The following TPGS2 variants were observed in gnomAD, a reference collection of about 807,000 sequenced individuals.
The protein encoded by TPGS2 is tubulin polyglutamylase complex subunit 2.
A neutral mutation model predicts 31.1 loss-of-function variants in TPGS2; 26 were observed. The ratio of observed to expected loss-of-function variants is 0.84; its 90% CI spans 0.61 to 1.16. The LOEUF is 1.16. Among genes scored for constraint, TPGS2 ranks in the 50% most tolerant of loss-of-function variants. The probability of loss-of-function intolerance (pLI) is 0.00; values close to 1 mark genes in which losing one functional copy is unlikely to be tolerated. For synonymous variants in TPGS2, 130 were observed against 136.6 expected (o/e 0.95, Z 0.34); for missense variants, 351 against 363.8 (o/e 0.96, Z 0.29).
chr18:36,800,889 C>G (rs1180302560), intron 4 of TPGS2, among the ~76,000 whole-genome samples: 2 of 152,110 alleles, frequency 1.3e-5, no homozygotes, highest in African/African-American at 4.8e-5. Context: ...GGAGTTTCAC[C>G]ACATTGGCCA....
chr18:36,788,770 TACAG>T (rs1037419216), intron 6 of TPGS2: 2 of 152,196 alleles, frequency 1.3e-5, no homozygotes, highest in African/African-American at 2.4e-5. Flanking sequence ...AGATTTTTGA[TACAG>T]GCATGCAATG....
chr18:36,782,009 A>G (rs984826305), downstream of TPGS2: 6 of 900,936 alleles, frequency 6.7e-6, no homozygotes, highest in Non-Finnish European at 8.0e-6. Context: ...ATGGTTTAAT[A>G]GTTTGTGAGA....
downstream of TPGS2, among the ~76,000 whole-genome samples, chr18:36,780,587 A>G (rs1272379365): frequency 6.6e-6 from 1 of 152,204 alleles, no homozygotes; most frequent in East Asian, 1.9e-4. Flanking sequence ...TGCAGATATT[A>G]TAGACTATAC....
chr18:36,784,807 T>C (rs1394773058), intron 6 of TPGS2, among the ~76,000 whole-genome samples: 1 of 152,186 alleles, frequency 6.6e-6, no homozygotes, highest in Non-Finnish European at 1.5e-5. Flanking sequence ...TCTCACTAGT[T>C]CCTGGTTATT....
intron 2 of TPGS2, among the ~76,000 whole-genome samples, chr18:36,812,834 A>G (rs2045490260): frequency 6.6e-6 from 1 of 152,168 alleles, no homozygotes; most frequent in Non-Finnish European, 1.5e-5. Context: ...GAATTGGAGG[A>G]CACCCAGCTG....
chr18:36,818,597 T>G (rs2045763183), intron 2 of TPGS2: 2 of 293,538 alleles, frequency 6.8e-6, no homozygotes, highest in Admixed American at 4.6e-5. Flanking sequence ...GCATGACACT[T>G]ATTAACACAT....
At chr18:36,807,727 C>T in intron 3 of TPGS2, 120 bp downstream of exon 3, 1 of 828,454 alleles carries the variant, frequency 1.2e-6, no homozygotes, top group Non-Finnish European at 1.9e-6. Flanking sequence ...GGACATGGCA[C>T]TTGAGGGGCA....
chr18:36,783,806 C>G (rs1224331208), intron 6 of TPGS2, among the ~76,000 whole-genome samples: 1 of 152,154 alleles, frequency 6.6e-6, no homozygotes, highest in Non-Finnish European at 1.5e-5. Flanking sequence ...GTCCTAATCC[C>G]TGGAACCTAG....
intron 2 of TPGS2, among the ~76,000 whole-genome samples, chr18:36,809,318 A>G (rs893798663): frequency 2.6e-5 from 4 of 152,188 alleles, no homozygotes; most frequent in African/African-American, 9.6e-5. Flanking sequence ...CAGGAACTAT[A>G]GATAAAGAGA....
intron 2 of TPGS2, among the ~76,000 whole-genome samples, chr18:36,809,791 C>T (rs533952740): frequency 3.9e-5 from 6 of 152,180 alleles, no homozygotes; most frequent in African/African-American, 1.2e-4. Context: ...ACTGTCTATC[C>T]GCCTTTCTTA....
chr18:36,805,840 C>T (rs1336017586), intron 3 of TPGS2, among the ~76,000 whole-genome samples: 1 of 152,096 alleles, frequency 6.6e-6, no homozygotes, highest in Non-Finnish European at 1.5e-5. Flanking sequence ...TGTTTTTGCT[C>T]CCTCTTTCCT....
At chr18:36,784,517 T>G (rs1475933192) in intron 6 of TPGS2, among the ~76,000 whole-genome samples, 1 of 152,268 alleles carries the variant, frequency 6.6e-6, no homozygotes, top group African/African-American at 2.4e-5. Context: ...GTATATGATA[T>G]TAAAATGCAC....
At chr18:36,821,318 G>A (rs896200736) in intron 1 of TPGS2, among the ~76,000 whole-genome samples, 1 of 152,138 alleles carries the variant, frequency 6.6e-6, no homozygotes, top group Non-Finnish European at 1.5e-5. Flanking sequence ...GCCATTTGAT[G>A]ATTCCAGTCC....
Position 36,807,838 on chromosome 18 carries a change from C to A in TPGS2, c.253+9G>T, listed in dbSNP as rs2045233379. 2 of 1,613,412 alleles carry A rather than the reference C, an allele frequency of 1.2e-6. No individual in the cohort carries two copies. Among genetic ancestry groups the A allele is most frequent in the Admixed American group, 1.7e-5 (1 of 59,976 alleles). On this transcript the variant is annotated intron_variant, in intron 3 of 6. Transcript: ENST00000334295. ...AGGGAAATGTTCTCCTACAAGGAGG[C>A]TGACTCACCATCCAGCTTCACACTC...
intron 4 of TPGS2, among the ~76,000 whole-genome samples, chr18:36,800,625 A>G (rs2044759183): frequency 6.6e-6 from 1 of 151,930 alleles, no homozygotes; most frequent in African/African-American, 2.4e-5. Context: ...ACATAACTTC[A>G]TTTCCTTTCC....
At chr18:36,804,282 T>C (rs2044996382) in intron 4 of TPGS2, among the ~76,000 whole-genome samples, 1 of 152,170 alleles carries the variant, frequency 6.6e-6, no homozygotes, top group Admixed American at 6.5e-5. Flanking sequence ...GAAGGCCAAG[T>C]GGTTTTTATC....
intron 3 of TPGS2, among the ~76,000 whole-genome samples, chr18:36,806,477 G>C (rs1354107912): frequency 6.6e-6 from 1 of 152,132 alleles, no homozygotes; most frequent in Non-Finnish European, 1.5e-5. Flanking sequence ...TCTGATGCTG[G>C]TGACAAGGAT....
intron 1 of TPGS2, among the ~76,000 whole-genome samples, 195 bp from the exon 2 acceptor site, chr18:36,819,168 G>A (rs72885212): frequency 0.12 from 18,429 of 152,204 alleles, 1,383 homozygotes; most frequent in Admixed American, 0.17. Flanking sequence ...GGACAATGTA[G>A]TCTACCTGAT....
At chr18:36,820,385 T>C (rs1444344463) in intron 1 of TPGS2, among the ~76,000 whole-genome samples, 4 of 152,210 alleles carry the variant, frequency 2.6e-5, no homozygotes, top group African/African-American at 7.2e-5. Flanking sequence ...AATACTCCCA[T>C]GGCAAGGTAA....
Sources: gnomAD v4.1 joint callset for allele counts (sites outside exome capture counted in the v4.1 genomes callset) on GRCh38, gnomAD v4.1.1 for gene constraint, MANE v1.5 for transcripts, NCBI Gene and HGNC (gene_info 2026-07-23, HGNC 2026-07-21) for gene names.